Variants in PARD3 observed in about 807,000 individuals in gnomAD.
PARD3 encodes the protein par-3 family cell polarity regulator, also known as partitioning defective 3 homolog.
In PARD3, 75 loss-of-function variants were observed where a neutral mutation model predicts 155.4. The observed-to-expected ratio is 0.48, with a 90% CI of 0.40 to 0.58. PARD3 has a LOEUF of 0.58. PARD3 is among the 20% of genes least tolerant of loss of function. PARD3 has a pLI of 0.00. For synonymous variants in PARD3, 576 were observed against 610.5 expected (o/e 0.94, Z 0.83); for missense variants, 1,642 against 1,721.7 (o/e 0.95, Z 0.82).
intron 1 of PARD3, among the ~76,000 whole-genome samples, chr10:34,719,772 T>C (rs2094575290): frequency 6.6e-6 from 1 of 152,242 alleles, no homozygotes; most frequent in Non-Finnish European, 1.5e-5. Context: ...ACTTTCATAT[T>C]ACAATGTAGT....
chr10:34,805,272 G>A (rs1026186933), intron 1 of PARD3, among the ~76,000 whole-genome samples: 10 of 152,136 alleles, frequency 6.6e-5, no homozygotes, highest in South Asian at 2.1e-4. Flanking sequence ...CAGGAGAATC[G>A]CTTGAACCCA....
At chr10:34,635,600 C>G (rs1213799637) in intron 2 of PARD3, among the ~76,000 whole-genome samples, 1 of 152,196 alleles carries the variant, frequency 6.6e-6, no homozygotes, top group Non-Finnish European at 1.5e-5. Context: ...ACACACCAAC[C>G]AAGTCTGCTA....
At chr10:34,715,106 C>G (rs1433295386) in intron 1 of PARD3, among the ~76,000 whole-genome samples, 1 of 147,962 alleles carries the variant, frequency 6.8e-6, no homozygotes, top group Non-Finnish European at 1.5e-5. Flanking sequence ...GAGACAAGGT[C>G]TCGCTCTGTC....
In PARD3 at chr10:34,750,030, T is replaced by TACACAC. The variant is rs71984849; in HGVS notation, c.121-53617_121-53612dup. 7.5e-3 allele frequency among the ~76,000 whole-genome samples: 1,054 copies of TACACAC among 140,784 alleles called. 11 individuals are homozygous for TACACAC. The highest frequency in any genetic ancestry group is 0.02 in the African/African-American group (760 of 38,000). 92.4% of individuals were successfully genotyped at this position (140,784 alleles called of 152,430 possible). On this transcript the variant is annotated intron_variant, in intron 1 of 24. Transcript: ENST00000374788. ...GAACGAGACCCCCTCTCAAAAAAAGTACACACACACACACACACACACACA... is the reference window on the plus strand; with the variant it reads ...GAACGAGACCCCCTCTCAAAAAAAGTACACACACACACACACACACACACACACACA...
At chr10:34,187,489 G>A (rs528564628) in intron 22 of PARD3, among the ~76,000 whole-genome samples, 1 of 152,038 alleles carries the variant, frequency 6.6e-6, no homozygotes, top group Non-Finnish European at 1.5e-5. Flanking sequence ...CCTCTCACAG[G>A]GGGGAAAAAT....
intron 1 of PARD3, among the ~76,000 whole-genome samples, chr10:34,714,876 G>A (rs11009885): frequency 0.024 from 3,687 of 150,920 alleles, 129 homozygotes; most frequent in African/African-American, 0.084. Flanking sequence ...CCGAGTTCAA[G>A]TGATTCTCCT....
chr10:34,365,248 T>C (rs1450595058), intron 12 of PARD3, among the ~76,000 whole-genome samples: 1 of 152,240 alleles, frequency 6.6e-6, no homozygotes, highest in African/African-American at 2.4e-5. Flanking sequence ...AAAATTGACA[T>C]GTATGAAAGT....
chr10:34,252,273 T>A (rs913175352), intron 22 of PARD3, among the ~76,000 whole-genome samples: 4 of 152,160 alleles, frequency 2.6e-5, no homozygotes, highest in African/African-American at 9.7e-5. Flanking sequence ...CCTACAGGTG[T>A]GTGCTCCTGA....
At chr10:34,749,241 A>G in intron 1 of PARD3, among the ~76,000 whole-genome samples, 1 of 152,356 alleles carries the variant, frequency 6.6e-6, no homozygotes, top group African/African-American at 2.4e-5. Flanking sequence ...TCTTGCATGT[A>G]GTTAGATGCT....
intron 7 of PARD3, among the ~76,000 whole-genome samples, chr10:34,384,922 A>AT (rs1383171928): frequency 1.3e-5 from 2 of 152,204 alleles, no homozygotes. Context: ...GCCAATCACC[A>AT]TTCATCTCTT....
In PARD3 at chr10:34,125,071, C is replaced by CT. The variant is rs71523316; in HGVS notation, c.3541-5332dup. Among the ~76,000 whole-genome samples, 342 of 140,512 alleles carry CT rather than the reference C, an allele frequency of 2.4e-3. 5 individuals carry two copies. The highest frequency in any genetic ancestry group is 5.4e-3 in the African/African-American group (193 of 35,906). 92.2% of individuals were successfully genotyped at this position (140,512 alleles called of 152,430 possible). ...GGCTTATCTCCAGGTCTATTTCTTT[C>CT]TTTTTTTTTTTTTGAGACGGAGTCT... On this transcript the variant is annotated intron_variant, in intron 23 of 24. Coordinates refer to ENST00000374788, the MANE Select transcript of PARD3 (RefSeq NM_001184785.2).
intron 2 of PARD3, among the ~76,000 whole-genome samples, chr10:34,644,563 T>G (rs2092778176): frequency 6.6e-6 from 1 of 152,180 alleles, no homozygotes; most frequent in Non-Finnish European, 1.5e-5. Context: ...AATCCCAAAA[T>G]TCTTAACTGG....
chr10:34,686,506 C>A (rs749256316), intron 2 of PARD3, among the ~76,000 whole-genome samples: 1 of 150,916 alleles, frequency 6.6e-6, no homozygotes, highest in Non-Finnish European at 1.5e-5. Context: ...GAGGCCGAGG[C>A]GGGTGGATGA....
intron 20 of PARD3, among the ~76,000 whole-genome samples, chr10:34,286,373 A>G (rs1956390858): frequency 7.9e-6 from 1 of 126,564 alleles, no homozygotes; most frequent in Admixed American, 7.9e-5. Context: ...ATTAGCATAT[A>G]ACAACATCAG....
In PARD3 at chr10:34,131,464, C is replaced by G; in HGVS notation, c.3539G>C (p.Trp1180Ser). The change falls in exon 23 of 25, where the codon TGG (tryptophan) becomes TCG (serine). Residue 1180 changes from tryptophan to serine, a missense_variant and splice_region_variant. Coordinates refer to ENST00000374788, the MANE Select transcript of PARD3 (RefSeq NM_001184785.2). ...CGTGCTGAAGAACCAATTACTTACC[C>G]AGGGTTGCTCAAAACTATAGGTCCG... ...RRRTYSFEQPWPNARPATQSG... is the reference protein window; with the variant it reads ...RRRTYSFEQPSPNARPATQSG... The G allele has an allele frequency of 6.2e-7, 1 of 1,614,046 alleles. No individual in the cohort carries two copies. Among genetic ancestry groups the G allele is most frequent in the Non-Finnish European group, 8.5e-7 (1 of 1,179,948 alleles).
intron 1 of PARD3, among the ~76,000 whole-genome samples, chr10:34,770,002 C>T (rs9417142): frequency 0.29 from 43,426 of 151,890 alleles, 6,528 homozygotes; most frequent in East Asian, 0.54. Context: ...TAAAATACAG[C>T]CCCAATTTCC....
intron 1 of PARD3, among the ~76,000 whole-genome samples, chr10:34,788,593 G>C (rs1488947256): frequency 6.6e-6 from 1 of 152,016 alleles, no homozygotes; most frequent in Non-Finnish European, 1.5e-5. Context: ...GGGACTACAG[G>C]CATGCACCAC....
chr10:34,528,556 T>G (rs1255522323), intron 2 of PARD3, among the ~76,000 whole-genome samples: 1 of 152,172 alleles, frequency 6.6e-6, no homozygotes, highest in African/African-American at 2.4e-5. Flanking sequence ...TTGTTTTGTT[T>G]TTTCCCCATA....
chr10:34,305,468 G>C (rs989651058), intron 20 of PARD3, among the ~76,000 whole-genome samples: 4 of 152,228 alleles, frequency 2.6e-5, no homozygotes, highest in East Asian at 1.9e-4. Context: ...AGTAAAACCA[G>C]TTTTGACTTC....
Sources: gnomAD v4.1 joint callset for allele counts (sites outside exome capture counted in the v4.1 genomes callset) on GRCh38, gnomAD v4.1.1 for gene constraint, MANE v1.5 for transcripts, NCBI Gene and HGNC (gene_info 2026-07-23, HGNC 2026-07-21) for gene names.